The following FLRT2 variants were observed in gnomAD, a reference collection of about 807,000 sequenced individuals.
FLRT2 encodes the protein leucine-rich repeat transmembrane protein FLRT2.
FLRT2 carries 15 observed loss-of-function variants against 40.0 expected under a neutral mutation model. That is an observed-to-expected ratio of 0.38 (90% confidence interval 0.25 to 0.58). The LOEUF (loss-of-function observed/expected upper bound fraction) is 0.58. FLRT2 is among the 20% of genes least tolerant of loss of function. The pLI is 0.71. For missense variants in FLRT2, 726 were observed against 840.0 expected, an observed-to-expected ratio of 0.86 and a Z score of 1.68; for synonymous variants, 380 against 336.8, an observed-to-expected ratio of 1.13 and a Z score of -1.41.
intron 1 of FLRT2, among the ~76,000 whole-genome samples, chr14:85,610,252 C>T (rs547386863): frequency 5.1e-4 from 77 of 152,044 alleles, no homozygotes; most frequent in African/African-American, 1.7e-3. Context: ...GGGATGTTCG[C>T]GAGAAGAGAC....
At chr14:85,580,867 C>T (rs894000762) in intron 1 of FLRT2, among the ~76,000 whole-genome samples, 2 of 152,046 alleles carry the variant, frequency 1.3e-5, no homozygotes, top group Admixed American at 6.6e-5. Flanking sequence ...TATCTAGGTG[C>T]TTTTAAAGAA....
intron 1 of FLRT2, among the ~76,000 whole-genome samples, chr14:85,593,373 T>C (rs1368804895): frequency 1.3e-5 from 2 of 152,212 alleles, no homozygotes; most frequent in Non-Finnish European, 2.9e-5. Flanking sequence ...ATGTTCAAAC[T>C]CTTTTTCTCA....
rs1261722808 is a variant in FLRT2, at chr14:85,629,547, A to C, written c.*6050A>C. ...CATTCTGTCTTTAAAATAACCCTGT[A>C]AGGTGCGTTATTTTAATTTTTAGAT... is the stretch of plus-strand genomic sequence containing the variant. On this transcript the variant is annotated 3_prime_UTR_variant, in exon 2 of 2. Transcript: ENST00000330753. 1 of 152,196 alleles carries C rather than the reference A, an allele frequency of 6.6e-6. No homozygotes were observed. The highest frequency in any genetic ancestry group is 1.5e-5 in the Non-Finnish European group (1 of 68,028). 9.4% of individuals were successfully genotyped at this position (152,196 alleles called of 1,614,324 possible). A position where few individuals can be genotyped will look rare whatever the true frequency, so the allele number is the denominator to read the frequency against.
At chr14:85,585,873 G>A (rs1016484793) in intron 1 of FLRT2, among the ~76,000 whole-genome samples, 2 of 151,930 alleles carry the variant, frequency 1.3e-5, no homozygotes, top group Admixed American at 1.3e-4. Flanking sequence ...GATGTTCTGC[G>A]GGAGTAATGA....
At position 85,600,524 on chromosome 14, in the gene FLRT2, G is replaced by A. The variant is rs1892337967; in HGVS notation, c.-376-20615G>A. ...AAAGGAAGACTCTGACAGGACATCA[G>A]AGAAACTGATGGAGGTTAGAGCTTG... On this transcript the variant is annotated intron_variant, in intron 1 of 1. Coordinates refer to ENST00000330753, the MANE Select transcript of FLRT2 (RefSeq NM_013231.6). Among the ~76,000 whole-genome samples the A allele has an allele frequency of 2.0e-5, 3 of 152,222 alleles. No homozygotes were observed. In the South Asian group the frequency reaches 6.2e-4, roughly 32 times the overall value.
intron 1 of FLRT2, among the ~76,000 whole-genome samples, chr14:85,568,422 G>A (rs187407025): frequency 6.6e-5 from 10 of 152,258 alleles, no homozygotes; most frequent in East Asian, 1.9e-4. Flanking sequence ...TGTGTAAGGC[G>A]TTAATACCAA....
At chr14:85,579,919 A>G (rs948083035) in intron 1 of FLRT2, among the ~76,000 whole-genome samples, 1 of 132,130 alleles carries the variant, frequency 7.6e-6, no homozygotes, top group Non-Finnish European at 1.6e-5. Context: ...TGCACAGGGT[A>G]TTAGAATTTT....
chr14:85,595,751 G>A (rs1892113057), intron 1 of FLRT2, among the ~76,000 whole-genome samples: 1 of 152,074 alleles, frequency 6.6e-6, no homozygotes, highest in Non-Finnish European at 1.5e-5. Context: ...AGAAGGACCC[G>A]GAAGTAAAAC....
In FLRT2 at chr14:85,568,048, A is replaced by G. The variant is rs534660791; in HGVS notation, c.-377+37514A>G. On this transcript the variant is annotated intron_variant, in intron 1 of 1. Coordinates refer to ENST00000330753, the MANE Select transcript of FLRT2 (RefSeq NM_013231.6). ...TTACAGAAGGCCTGTAGAGTACCAC[A>G]AGAAAGAGGCCTGACTACTTATTTG... 1.2e-4 allele frequency among the ~76,000 whole-genome samples: 19 copies of G among 152,234 alleles called. No homozygotes were observed. The East Asian group carries it at 1.7e-3, about 14-fold the overall frequency.
At chr14:85,533,018 C>T (rs1888381272) in intron 1 of FLRT2, among the ~76,000 whole-genome samples, 1 of 152,180 alleles carries the variant, frequency 6.6e-6, no homozygotes. Context: ...TAGCCAGGCG[C>T]TCTTCAACTC....
chr14:85,594,738 G>GA (rs1417496568), intron 1 of FLRT2, among the ~76,000 whole-genome samples: 1 of 152,030 alleles, frequency 6.6e-6, no homozygotes, highest in African/African-American at 2.4e-5. Flanking sequence ...GTTGACTCTT[G>GA]AAAAATGCTG....
chr14:85,592,831 G>A (rs991922558), intron 1 of FLRT2, among the ~76,000 whole-genome samples: 4 of 148,564 alleles, frequency 2.7e-5, no homozygotes, highest in Middle Eastern at 7.2e-3. Flanking sequence ...ACCTGGAACC[G>A]CATGAATTCT....
intron 1 of FLRT2, among the ~76,000 whole-genome samples, chr14:85,616,462 G>A (rs1282727007): frequency 6.6e-6 from 1 of 152,106 alleles, no homozygotes; most frequent in Admixed American, 6.5e-5. Flanking sequence ...CTAGAAGCAC[G>A]ACTACCTCAG....
chr14:85,545,841 G>A (rs770726506), intron 1 of FLRT2, among the ~76,000 whole-genome samples: 8 of 152,132 alleles, frequency 5.3e-5, no homozygotes, highest in Non-Finnish European at 8.8e-5. Flanking sequence ...GGATTGATTT[G>A]AGATTCACCT....
intron 1 of FLRT2, among the ~76,000 whole-genome samples, chr14:85,540,595 G>A (rs1888927465): frequency 6.6e-6 from 1 of 152,120 alleles, no homozygotes; most frequent in African/African-American, 2.4e-5. Context: ...ATACGTGGTT[G>A]GATCCCGATT....
Position 85,631,389 on chromosome 14 carries a change from A to T in FLRT2, c.*7892A>T, listed in dbSNP as rs907247751. 1 of 151,978 alleles carries T rather than the reference A, an allele frequency of 6.6e-6. No individual in the cohort carries two copies. The highest frequency in any genetic ancestry group is 2.4e-5 in the African/African-American group (1 of 41,360). 9.4% of individuals were successfully genotyped at this position (151,978 alleles called of 1,614,324 possible). On this transcript the variant is annotated 3_prime_UTR_variant, in exon 2 of 2. Coordinates refer to ENST00000330753, the MANE Select transcript of FLRT2 (RefSeq NM_013231.6). ...CACCTATATATTGTAATTTTTTGTGAGTCTGCTTCATGCCTATACAATGGG... is the reference window on the plus strand; with the variant it reads ...CACCTATATATTGTAATTTTTTGTGTGTCTGCTTCATGCCTATACAATGGG...
chr14:85,589,654 T>C (rs1891791760), intron 1 of FLRT2, among the ~76,000 whole-genome samples: 1 of 152,186 alleles, frequency 6.6e-6, no homozygotes, highest in Admixed American at 6.5e-5. Flanking sequence ...CTGCCTGTGC[T>C]TGTGGGGTAT....
chr14:85,602,092 G>A (rs534937660), intron 1 of FLRT2, among the ~76,000 whole-genome samples: 1 of 152,060 alleles, frequency 6.6e-6, no homozygotes, highest in Non-Finnish European at 1.5e-5. Context: ...ATAATGAAGG[G>A]TAGTAAAGTG....
At chr14:85,620,164 GA>G (rs1472815461) in intron 1 of FLRT2, among the ~76,000 whole-genome samples, 4 of 152,078 alleles carry the variant, frequency 2.6e-5, no homozygotes, top group African/African-American at 9.7e-5. Flanking sequence ...AAGTGGGAAA[GA>G]AAAAAGTCTC....
Sources: gnomAD v4.1 joint callset for allele counts (sites outside exome capture counted in the v4.1 genomes callset) on GRCh38, gnomAD v4.1.1 for gene constraint, MANE v1.5 for transcripts, NCBI Gene and HGNC (gene_info 2026-07-23, HGNC 2026-07-21) for gene names.